CAPZB: variants seen among roughly 807,000 people sequenced by gnomAD.
CAPZB encodes the protein F-actin-capping protein subunit beta.
CAPZB carries 2 observed loss-of-function variants against 38.1 expected under a neutral mutation model. The observed-to-expected ratio is 0.05, with a 90% CI of 0.02 to 0.17. CAPZB has a LOEUF of 0.17. Among genes scored for constraint, CAPZB ranks in the 10% least tolerant of loss-of-function variants. The pLI, the probability that CAPZB is intolerant of heterozygous loss-of-function variation, is 1.00. For missense variants in CAPZB, 161 were observed against 334.2 expected, an observed-to-expected ratio of 0.48 and a Z score of 4.04; for synonymous variants, 107 against 127.4, an observed-to-expected ratio of 0.84 and a Z score of 1.08.
chr1:19,419,602 C>T, intron 2 of CAPZB, 59 bp downstream of exon 2: 1 of 1,007,120 alleles, frequency 9.9e-7, no homozygotes, highest in Non-Finnish European at 1.5e-6. Flanking sequence ...AAAAGCTACA[C>T]AAAAGCAACT....
At chr1:19,362,316 G>T (rs374554116) in intron 4 of CAPZB, among the ~76,000 whole-genome samples, 1 of 152,164 alleles carries the variant, frequency 6.6e-6, no homozygotes, top group East Asian at 1.9e-4. Context: ...AGCTCACTGC[G>T]ACCTCCACTT....
chr1:19,385,761 C>A, intron 2 of CAPZB, 135 bp from the exon 3 acceptor site: 1 of 994,580 alleles, frequency 1.0e-6, no homozygotes, highest in Non-Finnish European at 1.6e-6. Context: ...AAATTATGGG[C>A]CTGTTCTTTT....
rs774569544 is a variant in CAPZB, at chr1:19,478,991, A to C, written c.3+6445T>G. Among the ~76,000 whole-genome samples the C allele has an allele frequency of 7.0e-4, 107 of 152,236 alleles. 2 individuals are homozygous for C. The Middle Eastern group carries it at 0.014, about 19-fold the overall frequency. ...TTTGGGAGGCTGAGGCAGGCAGATC[A>C]TGAGGCCAGGCGTTCAAGACCAGCC... On this transcript the variant is annotated intron_variant, in intron 1 of 8. Transcript: ENST00000264202.
At chr1:19,451,931 T>C (rs997635866) in intron 1 of CAPZB, among the ~76,000 whole-genome samples, 2 of 152,162 alleles carry the variant, frequency 1.3e-5, no homozygotes, top group African/African-American at 4.8e-5. Flanking sequence ...TGTTTATTAT[T>C]GTAATTTACT....
At chr1:19,365,552 C>T (rs74056822) in intron 4 of CAPZB, among the ~76,000 whole-genome samples, 2,362 of 152,124 alleles carry the variant, frequency 0.016, 69 homozygotes, top group African/African-American at 0.054. Flanking sequence ...GAAACCAGGC[C>T]GGGCATGGTG....
intron 8 of CAPZB, among the ~76,000 whole-genome samples, chr1:19,341,156 C>T (rs1033331209): frequency 1.1e-4 from 16 of 152,194 alleles, no homozygotes; most frequent in Admixed American, 8.5e-4. Flanking sequence ...CCAGGAGAAA[C>T]GCAGACATTT....
intron 6 of CAPZB, among the ~76,000 whole-genome samples, chr1:19,350,905 C>T (rs1279736213): frequency 2.0e-5 from 3 of 149,926 alleles, no homozygotes; most frequent in Admixed American, 6.6e-5. Flanking sequence ...CATGAGCCAT[C>T]GCGCCTGGCA....
intron 2 of CAPZB, among the ~76,000 whole-genome samples, chr1:19,391,592 A>G (rs1366174510): frequency 6.6e-6 from 1 of 152,222 alleles, no homozygotes; most frequent in Non-Finnish European, 1.5e-5. Flanking sequence ...GAGCATTTCA[A>G]GTGGCACATA....
In CAPZB at chr1:19,339,520, A is replaced by G; in HGVS notation, c.*10T>C. 1 of 1,603,096 alleles carries G rather than the reference A, an allele frequency of 6.2e-7. No homozygotes were observed. Among genetic ancestry groups the G allele is most frequent in the Non-Finnish European group, 8.5e-7 (1 of 1,169,888 alleles). ...GTGCACGGCGTGTCTGGTTAGCATG[A>G]AACAGAGGTTTAGCATTGCTGCTTT... On this transcript the variant is annotated 3_prime_UTR_variant, in exon 9 of 9. Transcript: ENST00000264202.
At chr1:19,388,161 T>C (rs2094213602) in intron 2 of CAPZB, among the ~76,000 whole-genome samples, 1 of 152,220 alleles carries the variant, frequency 6.6e-6, no homozygotes, top group Non-Finnish European at 1.5e-5. Context: ...GAGGCTTGAC[T>C]CTACTCCTAT....
rs192833099 is a variant in CAPZB, at chr1:19,406,683, T to C, written c.93+12978A>G. Among the ~76,000 whole-genome samples the C allele has an allele frequency of 5.5e-4, 83 of 152,244 alleles. 1 individual carries two copies. In the East Asian group the frequency reaches 0.015, roughly 28 times the overall value. On this transcript the variant is annotated intron_variant, in intron 2 of 8. Coordinates refer to ENST00000264202, the MANE Select transcript of CAPZB (RefSeq NM_004930.5). ...GACCAACTCATGAAACCTCACTTGG[T>C]TTCCTCATCTGTAAAATGGGCATAA...
chr1:19,442,139 G>A (rs1570280308), intron 1 of CAPZB, among the ~76,000 whole-genome samples: 2 of 20,190 alleles, frequency 9.9e-5, no homozygotes, highest in Non-Finnish European at 5.8e-4. Context: ...CAGTTTCAAT[G>A]AGCCTGTTAC....
intron 4 of CAPZB, among the ~76,000 whole-genome samples, chr1:19,368,127 G>C (rs941201984): frequency 1.3e-5 from 2 of 152,172 alleles, no homozygotes; most frequent in African/African-American, 4.8e-5. Flanking sequence ...AACCCAGAGA[G>C]ATAAGGAACG....
chr1:19,423,184 G>A (rs2094408334), intron 1 of CAPZB, among the ~76,000 whole-genome samples: 1 of 152,170 alleles, frequency 6.6e-6, no homozygotes, highest in Non-Finnish European at 1.5e-5. Context: ...AATTTCTAAG[G>A]TTAAGGATGT....
intron 6 of CAPZB, among the ~76,000 whole-genome samples, chr1:19,351,482 G>A (rs2093991302): frequency 6.6e-6 from 1 of 151,984 alleles, no homozygotes. Context: ...TTTTTGTTTT[G>A]TTGGGAGGGG....
intron 1 of CAPZB, chr1:19,484,491 A>G: frequency 1.4e-6 from 2 of 1,410,394 alleles, no homozygotes; most frequent in South Asian, 1.4e-5. Context: ...GGGCCCGCAG[A>G]GCAGCGCGCT....
chr1:19,471,127 A>G (rs915364880), intron 1 of CAPZB, among the ~76,000 whole-genome samples: 10 of 152,252 alleles, frequency 6.6e-5, no homozygotes, highest in Admixed American at 3.3e-4. Context: ...TCAATAACTG[A>G]TAACATCGAA....
rs556731579 is a variant in CAPZB at position 19,385,992 on chromosome 1, A to T, written c.94-366T>A. 4.3e-4 allele frequency among the ~76,000 whole-genome samples: 65 copies of T among 152,314 alleles called. No homozygotes were observed. The South Asian group carries it at 0.013, about 31-fold the overall frequency. On this transcript the variant is annotated intron_variant, in intron 2 of 8. Coordinates refer to ENST00000264202, the MANE Select transcript of CAPZB (RefSeq NM_004930.5). The stretch of plus-strand genomic sequence containing the variant: ...CTGAAGTCCCGAGAAGAAGGTAAAC[A>T]TTTCAAATACACAGGAATCTAAAGA...
At chr1:19,471,467 C>T (rs1195204711) in intron 1 of CAPZB, among the ~76,000 whole-genome samples, 20 of 152,296 alleles carry the variant, frequency 1.3e-4, no homozygotes, top group Non-Finnish European at 2.9e-5. Context: ...GGCTGAGGAT[C>T]CCACACTCAC....
Sources: gnomAD v4.1 joint callset for allele counts (sites outside exome capture counted in the v4.1 genomes callset) on GRCh38, gnomAD v4.1.1 for gene constraint, MANE v1.5 for transcripts, NCBI Gene and HGNC (gene_info 2026-07-23, HGNC 2026-07-21) for gene names.